The following IL20RA variants were observed in gnomAD, a reference collection of about 807,000 sequenced individuals.
The protein encoded by IL20RA is interleukin-20 receptor subunit alpha.
IL20RA carries 29 observed loss-of-function variants against 36.5 expected under a neutral mutation model. The observed-to-expected ratio is 0.79, with a 90% CI of 0.59 to 1.08. The LOEUF (loss-of-function observed/expected upper bound fraction) is 1.08. Ranked by LOEUF, IL20RA falls within the 50% of genes least tolerant of loss-of-function variation. IL20RA has a pLI of 0.00. For missense variants in IL20RA, 652 were observed against 668.4 expected, an observed-to-expected ratio of 0.98 and a Z score of 0.27; for synonymous variants, 279 against 267.1, an observed-to-expected ratio of 1.04 and a Z score of -0.43.
intron 4 of IL20RA, 129 bp from the exon 5 acceptor site, chr6:137,008,872 T>G (rs1223016578): frequency 3.4e-6 from 2 of 595,550 alleles, no homozygotes. Flanking sequence ...AAGCTTTTTT[T>G]TTTTTTTTTT....
intron 1 of IL20RA, among the ~76,000 whole-genome samples, chr6:137,039,370 A>T (rs1776599882): frequency 6.6e-6 from 1 of 152,182 alleles, no homozygotes; most frequent in Non-Finnish European, 1.5e-5. Context: ...AAGCTGATAG[A>T]TCAGGAGGCC....
intron 2 of IL20RA, 112 bp downstream of exon 2, chr6:137,016,856 C>G: frequency 9.0e-6 from 9 of 998,538 alleles, no homozygotes; most frequent in Non-Finnish European, 1.4e-5. Flanking sequence ...ATATCTAAAA[C>G]TTTTCTCTTT....
chr6:137,028,371 G>A (rs533830278), intron 1 of IL20RA, among the ~76,000 whole-genome samples: 4 of 149,772 alleles, frequency 2.7e-5, no homozygotes, highest in East Asian at 3.9e-4. Flanking sequence ...AGCTGAGATC[G>A]TGCCACTGCA....
At chr6:137,042,577 G>A (rs1251255717) in intron 1 of IL20RA, among the ~76,000 whole-genome samples, 1 of 152,176 alleles carries the variant, frequency 6.6e-6, no homozygotes, top group Non-Finnish European at 1.5e-5. Context: ...TGTTGCACCT[G>A]CCTTGAGGGA....
At chr6:137,008,767 T>C (rs753520388) in intron 4 of IL20RA, 24 bp from the exon 5 acceptor site, 2 of 1,546,388 alleles carry the variant, frequency 1.3e-6, no homozygotes, top group African/African-American at 1.4e-5. Context: ...TTGCAAACAT[T>C]GGTTAGAGCC....
chr6:137,041,054 T>C (rs1488839101), intron 1 of IL20RA, among the ~76,000 whole-genome samples: 1 of 152,234 alleles, frequency 6.6e-6, no homozygotes, highest in Non-Finnish European at 1.5e-5. Context: ...AAGTGACAAT[T>C]TATGTGGCAT....
chr6:137,036,937 C>A (rs2115424346), intron 1 of IL20RA, among the ~76,000 whole-genome samples: 1 of 152,172 alleles, frequency 6.6e-6, no homozygotes, highest in South Asian at 2.1e-4. Context: ...AGCAAAAAAA[C>A]CAAAACAAAA....
chr6:137,039,719 G>A (rs1265194628), intron 1 of IL20RA, among the ~76,000 whole-genome samples: 1 of 152,070 alleles, frequency 6.6e-6, no homozygotes, highest in African/African-American at 2.4e-5. Flanking sequence ...GTGGTGGTAT[G>A]GTGAGGAATA....
intron 5 of IL20RA, 85 bp downstream of exon 5, chr6:137,008,514 G>A: frequency 7.2e-7 from 1 of 1,382,316 alleles, no homozygotes; most frequent in Non-Finnish European, 9.7e-7. Context: ...ACACGGATTT[G>A]TCAAAACCTT....
At chr6:137,011,144 T>C in intron 3 of IL20RA, 130 bp downstream of exon 3, 4 of 656,162 alleles carry the variant, frequency 6.1e-6, no homozygotes, top group Non-Finnish European at 1.0e-5. Context: ...TCCTGCTCAC[T>C]CAACCCACTG....
At chr6:137,009,606 T>C (rs1325470245) in intron 3 of IL20RA, 114 bp from the exon 4 acceptor site, 8 of 592,958 alleles carry the variant, frequency 1.3e-5, no homozygotes, top group Middle Eastern at 4.5e-4. Flanking sequence ...TTTTTTTTTT[T>C]TTTTTTTTTT....
At chr6:137,022,757 T>G (rs554656080) in intron 1 of IL20RA, among the ~76,000 whole-genome samples, 1 of 152,216 alleles carries the variant, frequency 6.6e-6, no homozygotes, top group Non-Finnish European at 1.5e-5. Context: ...TGATTCAGTA[T>G]AACAGATATC....
chr6:137,024,439 A>G (rs1200542833), intron 1 of IL20RA, among the ~76,000 whole-genome samples: 1 of 152,132 alleles, frequency 6.6e-6, no homozygotes, highest in Non-Finnish European at 1.5e-5. Flanking sequence ...ATGGTCTGGA[A>G]GCATGGCTCT....
At chr6:137,003,842 C>T (rs1481741602) in intron 6 of IL20RA, among the ~76,000 whole-genome samples, 8 of 152,134 alleles carry the variant, frequency 5.3e-5, no homozygotes, top group Non-Finnish European at 1.0e-4. Flanking sequence ...CACACATCCA[C>T]CTTGCTGTTT....
Position 137,004,932 on chromosome 6 carries a change from G to A in IL20RA, c.725-172C>T, listed in dbSNP as rs764267507. ...GAAGCTTAAGCTAAATGTTATAAGC[G>A]GTCTCAGAATTCTTACTCTCCCTGA... On this transcript the variant is annotated intron_variant, in intron 5 of 6. Coordinates refer to ENST00000316649, the MANE Select transcript of IL20RA (RefSeq NM_014432.4). Among the ~76,000 whole-genome samples the A allele has an allele frequency of 4.6e-5, 7 of 152,130 alleles. No individual in the cohort carries two copies. The South Asian group carries it at 6.2e-4, about 14-fold the overall frequency.
chr6:137,001,977 C>G lies in IL20RA; in HGVS notation c.1243G>C (p.Glu415Gln). The G allele has an allele frequency of 1.2e-6, 2 of 1,614,204 alleles. No homozygotes were observed. The change falls in exon 7 of 7, where the codon GAA (glutamate) becomes CAA (glutamine). Residue 415 changes from glutamate (E) to glutamine (Q), a missense_variant. Physicochemically the swap from Glu to Gln is conservative, Grantham distance 29. Coordinates refer to ENST00000316649, the MANE Select transcript of IL20RA (RefSeq NM_014432.4). ...TCCTGCAAACTGAGCTCCTGCTCTT[C>G]AGGCCCCGCACAAATGTCAGTGGTT... ...VRTTDICAGP[E>Q]EQELSLQEEV...
chr6:137,033,020 G>A (rs1372731396), intron 1 of IL20RA, among the ~76,000 whole-genome samples: 1 of 152,190 alleles, frequency 6.6e-6, no homozygotes, highest in Non-Finnish European at 1.5e-5. Flanking sequence ...CAAGTCCCTT[G>A]TATTAGTTTC....
chr6:137,030,806 GA>G (rs199695528), intron 1 of IL20RA, among the ~76,000 whole-genome samples: 42 of 147,710 alleles, frequency 2.8e-4, no homozygotes, highest in African/African-American at 9.2e-4. Context: ...GGGAAAAAAT[GA>G]AAAAAAAAAG....
rs771466183 is a variant in IL20RA at position 137,011,365 on chromosome 6, G to A, written c.312C>T (p.Tyr104=). ...TAACTTTGGCATAATACTGGTGTTC[G>A]TAGTCAGAAGTTTCAGCAGAAAGAT... The part of the protein sequence containing the change: ...YCDLSAETSD[Y]EHQYYAKVKA... Residue 104 remains tyrosine (Y), a synonymous_variant, in exon 3 of 7, where the codon TAC becomes TAT. Transcript: ENST00000316649. 1.2e-5 allele frequency: 20 copies of A among 1,613,140 alleles called. No homozygotes were observed. The highest frequency in any genetic ancestry group is 1.0e-4 in the Admixed American group (6 of 59,992).
Sources: allele counts gnomAD v4.1 joint callset (sites outside exome capture counted in the v4.1 genomes callset), GRCh38; gene constraint gnomAD v4.1.1; transcripts MANE v1.5; gene names NCBI Gene and HGNC (gene_info 2026-07-23, HGNC 2026-07-21).